Variants in STX17 observed in about 807,000 individuals in gnomAD.
The protein encoded by STX17 is syntaxin-17.
Under a neutral mutation model 35.9 loss-of-function variants are expected in STX17, and 29 were observed. The observed-to-expected ratio is 0.81, with a 90% CI of 0.60 to 1.10. The LOEUF (loss-of-function observed/expected upper bound fraction) is 1.10, where lower values mean the gene tolerates loss of function less well. Ranked by LOEUF, STX17 falls within the 50% of genes least tolerant of loss-of-function variation. The pLI, the probability that STX17 is intolerant of heterozygous loss-of-function variation, is 0.00. For missense variants in STX17, 312 were observed against 352.3 expected, an observed-to-expected ratio of 0.89 and a Z score of 0.92; for synonymous variants, 92 against 118.3, an observed-to-expected ratio of 0.78 and a Z score of 1.44.
At chr9:99,909,567 A>G (rs1243933065) in intron 1 of STX17, among the ~76,000 whole-genome samples, 4 of 152,260 alleles carry the variant, frequency 2.6e-5, no homozygotes, top group Non-Finnish European at 4.4e-5. Flanking sequence ...TACATTTAAC[A>G]TGTAATAGCC....
At chr9:99,968,078 C>T (rs1316723273) in intron 7 of STX17, among the ~76,000 whole-genome samples, 1 of 152,118 alleles carries the variant, frequency 6.6e-6, no homozygotes, top group Non-Finnish European at 1.5e-5. Context: ...TGCTTTTAAC[C>T]CCAGGCACAC....
At chr9:99,960,826 A>G (rs1829814513) in intron 6 of STX17, among the ~76,000 whole-genome samples, 1 of 152,230 alleles carries the variant, frequency 6.6e-6, no homozygotes, top group Admixed American at 6.5e-5. Flanking sequence ...TGCAAAAGCA[A>G]GAATGAAGAG....
At chr9:99,941,560 A>C (rs1238023350) in intron 3 of STX17, among the ~76,000 whole-genome samples, 4 of 152,146 alleles carry the variant, frequency 2.6e-5, no homozygotes, top group Non-Finnish European at 2.9e-5. Flanking sequence ...ATGTATCACT[A>C]CTCAGATCAA....
rs1362884157 is a variant in STX17, at chr9:99,972,843, G to C, written c.*4170G>C. 6.6e-6 allele frequency among the ~76,000 whole-genome samples: 1 copy of C among 152,100 alleles called. No homozygotes were observed. Among genetic ancestry groups the C allele is most frequent in the African/African-American group, 2.4e-5 (1 of 41,412 alleles). On this transcript the variant is annotated 3_prime_UTR_variant, in exon 8 of 8. Coordinates refer to ENST00000259400, the MANE Select transcript of STX17 (RefSeq NM_017919.3). Reference sequence around the variant, plus strand: ...ACAAGGAAGGATGAGGAAAAGCCTGGGGGGAGGTTCTCCTCGGAAATGAGG... The same window carrying C: ...ACAAGGAAGGATGAGGAAAAGCCTGCGGGGAGGTTCTCCTCGGAAATGAGG...
chr9:99,930,198 A>C (rs1442442051), intron 3 of STX17, among the ~76,000 whole-genome samples: 1 of 152,070 alleles, frequency 6.6e-6, no homozygotes. Flanking sequence ...GGCATGAGTC[A>C]TCGCACCTGG....
chr9:99,921,134 T>C (rs1409160123), intron 2 of STX17, among the ~76,000 whole-genome samples: 1 of 152,136 alleles, frequency 6.6e-6, no homozygotes, highest in Non-Finnish European at 1.5e-5. Flanking sequence ...ATTACTTGCT[T>C]GAGATCCCTA....
In STX17 at chr9:99,973,215, GA is replaced by G. The variant is rs11312818; in HGVS notation, c.*4553del. Among the ~76,000 whole-genome samples the G allele has an allele frequency of 0.52, 75,923 of 146,276 alleles. 20,565 individuals are homozygous for G. The highest frequency in any genetic ancestry group is 0.66 in the African/African-American group (26,686 of 40,190). ...AAATATATCTGTGCAATATTAAATT[GA>G]AAAAAAAAAACCCATAAAAAGTGTC... On this transcript the variant is annotated 3_prime_UTR_variant, in exon 8 of 8. Transcript: ENST00000259400.
At chr9:99,956,674 G>T (rs1010508186) in intron 4 of STX17, among the ~76,000 whole-genome samples, 1 of 152,082 alleles carries the variant, frequency 6.6e-6, no homozygotes, top group South Asian at 2.1e-4. Context: ...ACTCTGTATC[G>T]CCTGCCTTTG....
intron 3 of STX17, among the ~76,000 whole-genome samples, chr9:99,934,036 A>G (rs1298553619): frequency 6.6e-6 from 1 of 152,226 alleles, no homozygotes; most frequent in Non-Finnish European, 1.5e-5. Context: ...AGTAAAAGTT[A>G]ATGTAAGTCA....
intron 2 of STX17, chr9:99,915,983 C>T: frequency 2.2e-6 from 1 of 453,376 alleles, no homozygotes; most frequent in South Asian, 1.6e-5. Context: ...GCCTTAATTT[C>T]ATTCACCCCA....
chr9:99,964,751 A>C (rs142860181), intron 6 of STX17, among the ~76,000 whole-genome samples: 368 of 152,242 alleles, frequency 2.4e-3, no homozygotes, highest in Middle Eastern at 6.8e-3. Flanking sequence ...AAAAAGAGCC[A>C]AGGACATAGT....
chr9:99,944,270 T>C (rs1227588072), intron 3 of STX17, among the ~76,000 whole-genome samples: 1 of 152,042 alleles, frequency 6.6e-6, no homozygotes, highest in East Asian at 1.9e-4. Context: ...GGTTAATCTA[T>C]TGTATTATGT....
chr9:99,956,971 T>C (rs946236825), intron 4 of STX17, among the ~76,000 whole-genome samples: 3 of 152,232 alleles, frequency 2.0e-5, no homozygotes, highest in African/African-American at 7.2e-5. Flanking sequence ...CATGTCATCA[T>C]GGCATTTCTC....
chr9:99,945,765 G>T, intron 3 of STX17: 1 of 395,444 alleles, frequency 2.5e-6, no homozygotes, highest in Non-Finnish European at 5.0e-6. Flanking sequence ...ATCAACTGTG[G>T]AACAAAAATT....
intron 4 of STX17, among the ~76,000 whole-genome samples, chr9:99,954,913 A>G (rs1409357053): frequency 6.6e-6 from 1 of 152,084 alleles, no homozygotes; most frequent in Non-Finnish European, 1.5e-5. Flanking sequence ...AGCTGTGATG[A>G]TTTTGCTGTT....
chr9:99,940,402 G>A (rs1008956357), intron 3 of STX17, among the ~76,000 whole-genome samples: 1 of 151,838 alleles, frequency 6.6e-6, no homozygotes, highest in African/African-American at 2.4e-5. Context: ...AAGGTGCTGG[G>A]AGTACAGGTG....
chr9:99,944,329 CCTTT>C (rs1395303187), intron 3 of STX17, among the ~76,000 whole-genome samples: 2 of 151,562 alleles, frequency 1.3e-5, no homozygotes, highest in Non-Finnish European at 2.9e-5. Context: ...ATTATTTTCT[CCTTT>C]CTACTTTTTT....
At chr9:99,953,748 GCCTATCTCTAGCAATTCC>G (rs1424110925) in intron 4 of STX17, among the ~76,000 whole-genome samples, 1 of 151,978 alleles carries the variant, frequency 6.6e-6, no homozygotes, top group Non-Finnish European at 1.5e-5. Context: ...GCTTTGAATT[GCCTATCTCTAGCAATTCC>G]CCTATCAAAC....
At chr9:99,916,086 T>C (rs1260453241) in intron 2 of STX17, 3 of 455,724 alleles carry the variant, frequency 6.6e-6, no homozygotes, top group African/African-American at 4.0e-5. Context: ...TTGTGAGATA[T>C]GAGGGAATTT....
Sources: gnomAD v4.1 joint callset for allele counts (sites outside exome capture counted in the v4.1 genomes callset) on GRCh38, gnomAD v4.1.1 for gene constraint, MANE v1.5 for transcripts, NCBI Gene and HGNC (gene_info 2026-07-23, HGNC 2026-07-21) for gene names.